The following NBPF20 variants were observed in gnomAD, a reference collection of about 807,000 sequenced individuals.
The protein encoded by NBPF20 is NBPF family member NBPF20.
Under a neutral mutation model 68.1 loss-of-function variants are expected in NBPF20, and 90 were observed. That is an observed-to-expected ratio of 1.32 (90% CI 1.11 to 1.58). The LOEUF is 1.58. NBPF20 is among the 40% of genes most tolerant of loss of function. The pLI, the probability that NBPF20 is intolerant of heterozygous loss-of-function variation, is 0.00. For synonymous variants in NBPF20, 290 were observed against 228.1 expected (o/e 1.27, Z -2.45); for missense variants, 816 against 601.2 (o/e 1.36, Z -3.74).
At chr1:145,396,841 C>T (rs1420366771) in intron 7 of NBPF20, among the ~76,000 whole-genome samples, 1 of 142,008 alleles carries the variant, frequency 7.0e-6, no homozygotes, top group Non-Finnish European at 1.5e-5. Flanking sequence ...CATATGTATA[C>T]ATGTCCACAT....
intron 129 of NBPF20, among the ~76,000 whole-genome samples, 191 bp from the exon 135 acceptor site, chr1:145,298,325 CAGAT>C (rs1290522897): frequency 2.2e-5 from 3 of 137,218 alleles, no homozygotes; most frequent in East Asian, 4.1e-4. Context: ...AAGAGAAAGA[CAGAT>C]AGACACACAC....
At chr1:145,415,026 T>C in the NBPF20 span, among the ~76,000 whole-genome samples, 21 of 144,870 alleles carry the variant, frequency 1.4e-4, no homozygotes, top group Non-Finnish European at 6.1e-5. Flanking sequence ...ATGCCGGCAC[T>C]GGCCTCTGAG....
chr1:145,405,548 G>A (rs1553667040), exon 1 of NBPF20: 1 of 1,122,056 alleles, frequency 8.9e-7, no homozygotes, highest in South Asian at 1.5e-5. Context: ...ATTGTGGCCA[G>A]CGTGCCAGGT....
chr1:145,403,187 C>A lies in NBPF20; in HGVS notation c.278+29G>T, dbSNP rs1553665901. The A allele has an allele frequency of 2.5e-6, 4 of 1,611,954 alleles. No homozygotes were observed. The African/African-American group carries it at 5.3e-5, about 22-fold the overall frequency. ...ATTTCAGAGATTTACACACCTGCCCCCCTGCCTGCCACCATGGGGTCCCCT... is the reference window on the plus strand; with the variant it reads ...ATTTCAGAGATTTACACACCTGCCCACCTGCCTGCCACCATGGGGTCCCCT... On this transcript the variant is annotated intron_variant, in intron 3 of 137. Transcript: ENST00000369373.
chr1:145,311,982 G>C (rs1661497970), intron 112 of NBPF20, among the ~76,000 whole-genome samples: 2 of 80,896 alleles, frequency 2.5e-5, no homozygotes, highest in Non-Finnish European at 4.5e-5. Context: ...AGTAGGATTA[G>C]GGCGCCACAG....
chr1:145,406,177 T>C (rs1350893523), upstream of NBPF20, among the ~76,000 whole-genome samples: 3 of 151,018 alleles, frequency 2.0e-5, no homozygotes, highest in Non-Finnish European at 3.0e-5. Context: ...CCTCGTGATC[T>C]GCCGCCTCGG....
At chr1:145,292,729 C>T (rs1389870475) in intron 136 of NBPF20, among the ~76,000 whole-genome samples, 13 of 137,286 alleles carry the variant, frequency 9.5e-5, no homozygotes, top group African/African-American at 3.6e-4. Flanking sequence ...ATCATTTGTC[C>T]CAAGTTTGTG....
intron 61 of NBPF20, among the ~76,000 whole-genome samples, chr1:145,352,318 C>A (rs1185142180): frequency 2.2e-5 from 2 of 90,640 alleles, no homozygotes; most frequent in Admixed American, 1.0e-4. Context: ...CACACACACA[C>A]ACACACACAC....
At chr1:145,291,552 G>C in exon 138 of NBPF20, 1 of 1,611,990 alleles carries the variant, frequency 6.2e-7, no homozygotes, top group Non-Finnish European at 8.5e-7. Context: ...ACTCCCATCT[G>C]GAACACCAGG....
intron 7 of NBPF20, among the ~76,000 whole-genome samples, chr1:145,397,263 T>C (rs1662295246): frequency 6.6e-6 from 1 of 151,868 alleles, no homozygotes; most frequent in Admixed American, 6.6e-5. Context: ...GCATGATTTA[T>C]AATCATTTGG....
chr1:145,398,754 C>CA (rs1290625675), intron 7 of NBPF20, among the ~76,000 whole-genome samples: 2 of 151,656 alleles, frequency 1.3e-5, no homozygotes, highest in African/African-American at 4.9e-5. Context: ...GATAGAGACA[C>CA]AAAAAACCCT....
At chr1:145,405,960 C>A (rs1164832052), upstream of NBPF20, among the ~76,000 whole-genome samples, 1 of 150,692 alleles carries the variant, frequency 6.6e-6, no homozygotes. Flanking sequence ...ACTCTGTCGC[C>A]CAGGCTGGAG....
chr1:145,393,196 G>A (rs1661996210), exon 10 of NBPF20: 2 of 610,852 alleles, frequency 3.3e-6, no homozygotes, highest in South Asian at 1.9e-5. Context: ...TCTATCCAGT[G>A]AGTCCTGCAA....
Position 145,312,193 on chromosome 1 carries a change from T to C in NBPF20, c.13660+15A>G. 3 of 148,314 alleles carry C rather than the reference T, an allele frequency of 2.0e-5. No individual in the cohort carries two copies. Among genetic ancestry groups the C allele is most frequent in the East Asian group, 1.8e-4 (1 of 5,616 alleles). The allele number at this position is 148,314 out of a possible 1,614,324, so 9.2% of individuals were successfully genotyped here. On this transcript the variant is annotated intron_variant, in intron 112 of 137. Transcript: ENST00000369373. Reference sequence around the variant, plus strand: ...ACTCAGTGGATCCTTATCACCTTCATAGAAAGGTACTCACCATCCATGTCA... The same window carrying C: ...ACTCAGTGGATCCTTATCACCTTCACAGAAAGGTACTCACCATCCATGTCA...
chr1:145,410,872 AAT>A, the NBPF20 span, among the ~76,000 whole-genome samples: 1 of 132,782 alleles, frequency 7.5e-6, no homozygotes, highest in Non-Finnish European at 1.6e-5. Context: ...CAAAACGGTG[AAT>A]ATATATATGT....
the NBPF20 span, among the ~76,000 whole-genome samples, chr1:145,411,306 T>G: frequency 6.6e-6 from 1 of 151,210 alleles, no homozygotes; most frequent in African/African-American, 2.4e-5. Context: ...CTAATTTAGT[T>G]CTTTCATAAT....
the NBPF20 span, among the ~76,000 whole-genome samples, chr1:145,419,159 G>A: frequency 7.0e-6 from 1 of 142,198 alleles, no homozygotes; most frequent in Non-Finnish European, 1.5e-5. Context: ...AAGGAAGGGA[G>A]GGAGGGTGGA....
chr1:145,417,954 C>T, the NBPF20 span, among the ~76,000 whole-genome samples: 1 of 119,258 alleles, frequency 8.4e-6, no homozygotes, highest in African/African-American at 3.1e-5. Flanking sequence ...CTTGGAAGTA[C>T]CCAAGACGTC....
upstream of NBPF20, among the ~76,000 whole-genome samples, chr1:145,410,477 G>A (rs1437629286): frequency 6.6e-6 from 1 of 150,670 alleles, no homozygotes; most frequent in African/African-American, 2.4e-5. Flanking sequence ...ACTACGCCCG[G>A]CTATTTTTTG....
Sources: allele counts gnomAD v4.1 joint callset (sites outside exome capture counted in the v4.1 genomes callset), GRCh38; gene constraint gnomAD v4.1.1; transcripts MANE v1.5; gene names NCBI Gene and HGNC (gene_info 2026-07-23, HGNC 2026-07-21).